The following PRR14 variants were observed in gnomAD, a reference collection of about 807,000 sequenced individuals.
The protein encoded by PRR14 is proline-rich protein 14.
In PRR14, 33 loss-of-function variants were observed where a neutral mutation model predicts 57.2. The ratio of observed to expected loss-of-function variants is 0.58; its 90% CI spans 0.44 to 0.77. The LOEUF is 0.77. Ranked by LOEUF, PRR14 falls within the 30% of genes least tolerant of loss-of-function variation. PRR14 has a pLI of 0.00. For synonymous variants in PRR14, 303 were observed against 314.7 expected (o/e 0.96, Z 0.39); for missense variants, 716 against 788.1 (o/e 0.91, Z 1.10).
chr16:30,653,245 A>T, intron 5 of PRR14, 120 bp from the exon 6 acceptor site: 1 of 1,394,800 alleles, frequency 7.2e-7, no homozygotes, highest in Non-Finnish European at 1.0e-6. Context: ...CTGAGCAAAG[A>T]CTATATAAAA....
chr16:30,653,136 T>C, intron 5 of PRR14, 33 bp downstream of exon 5: 2 of 1,556,652 alleles, frequency 1.3e-6, no homozygotes, highest in Non-Finnish European at 8.7e-7. Context: ...TGTCAAGGGT[T>C]CTGCTGGGTT....
chr16:30,651,776 C>T lies in PRR14; in HGVS notation c.24-20C>T, dbSNP rs757455778. The T allele has an allele frequency of 1.2e-6, 2 of 1,607,986 alleles. No individual in the cohort carries two copies. The highest frequency in any genetic ancestry group is 1.7e-6 in the Non-Finnish European group (2 of 1,179,854). On this transcript the variant is annotated intron_variant, in intron 2 of 11. Transcript: ENST00000300835. The surrounding 1 kb of genome is among the most constrained non-coding windows in gnomAD (Gnocchi z 5.0). The stretch of plus-strand genomic sequence containing the variant: ...AGCGACAGGTTCGGGCGACCGTCCT[C>T]TGCTTCTTTCACCCTCCAGCCCGCC...
At chr16:30,653,188 G>A (rs1463853193) in intron 5 of PRR14, 85 bp downstream of exon 5, 5 of 1,448,308 alleles carry the variant, frequency 3.5e-6, no homozygotes, top group South Asian at 1.3e-5. Flanking sequence ...TCTTAGGTGG[G>A]TTTTTCTTGG....
At chr16:30,653,458 A>G (rs2052334603) in intron 6 of PRR14, 50 bp downstream of exon 6, 1 of 1,572,196 alleles carries the variant, frequency 6.4e-7, no homozygotes, top group Non-Finnish European at 8.8e-7. Context: ...AACAGCCATC[A>G]TCCAGGTAGC....
intron 3 of PRR14, chr16:30,652,495 C>T (rs937614081): frequency 1.6e-6 from 1 of 621,388 alleles, no homozygotes. Flanking sequence ...TTTTTCATTT[C>T]TCTAAACAGC....
In PRR14 at chr16:30,652,937, G is replaced by A. The variant is rs762811025; in HGVS notation, c.338G>A (p.Cys113Tyr). The change falls in exon 5 of 12, where the codon TGT becomes TAT. Residue 113 changes from cysteine to tyrosine, a missense_variant. Physicochemically the swap from Cys to Tyr is radical, Grantham distance 194. Coordinates refer to ENST00000300835, the MANE Select transcript of PRR14 (RefSeq NM_024031.5). ...AGGCCTCCCGACCCTCTGTGTTTGT[G>A]TCGCGAGCCCTTGAGCCGCATCCAC... ...QARPPDPLCL[C>Y]REPLSRIHRT... 5 of 1,614,038 alleles carry A rather than the reference G, an allele frequency of 3.1e-6. No homozygotes were observed. Among genetic ancestry groups the A allele is most frequent in the Admixed American group, 3.3e-5 (2 of 60,014 alleles).
Position 30,652,820 on chromosome 16 carries a change from G to T in PRR14, c.292G>T (p.Ala98Ser). 1 of 1,614,194 alleles carries T rather than the reference G, an allele frequency of 6.2e-7. No individual in the cohort carries two copies. Among genetic ancestry groups the T allele is most frequent in the Non-Finnish European group, 8.5e-7 (1 of 1,180,022 alleles). Reference sequence around the variant, plus strand: ...GCCGCCTGCCTCGCCACCCCGGCAGGCCGGGTGGTCCTCGCAGGCCAGGTG... The same window carrying T: ...GCCGCCTGCCTCGCCACCCCGGCAGTCCGGGTGGTCCTCGCAGGCCAGGTG... The part of the protein sequence containing the change: ...RQPPASPPRQ[A>S]GWSSQARPPD... The change falls in exon 4 of 12, where the codon GCC becomes TCC. Residue 98 changes from alanine (A) to serine (S), a missense_variant. Physicochemically the swap from Ala to Ser is moderately conservative, Grantham distance 99 (BLOSUM62 1). Transcript: ENST00000300835.
In PRR14 at chr16:30,656,192, CCT is replaced by C; in HGVS notation, c.1641_1642del (p.Pro548GlnfsTer7). The C allele has an allele frequency of 1.2e-6, 2 of 1,611,426 alleles. No individual in the cohort carries two copies. Among genetic ancestry groups the C allele is most frequent in the Non-Finnish European group, 1.7e-6 (2 of 1,179,098 alleles). ...GVRAAGGRTV[P>X]PNVAPSPDVG... ...CCGGGCTGCAGGGGGCAGGACTGTTCCTCCCAATGTGGCCCCCAGCCCTGATG... is the reference window on the plus strand; with the variant it reads ...CCGGGCTGCAGGGGGCAGGACTGTTCCCCAATGTGGCCCCCAGCCCTGATG... On this transcript the variant is annotated frameshift_variant, in exon 12 of 12. Coordinates refer to ENST00000300835, the MANE Select transcript of PRR14 (RefSeq NM_024031.5). LOFTEE classifies it low-confidence loss of function (END_TRUNC).
chr16:30,651,594 A>G lies in PRR14; in HGVS notation c.-50-2A>G. The G allele has an allele frequency of 3.9e-6, 2 of 518,214 alleles. No individual in the cohort carries two copies. The highest frequency in any genetic ancestry group is 2.6e-5 in the African/African-American group (1 of 37,882). The allele number at this position is 518,214 out of a possible 1,614,324, so 32.1% of individuals were successfully genotyped here. ...CGCTCCCCCGCTCCCCCCTTACCCCAGGCCGCAGCCTGGGATTCCCCAGGG... is the reference window on the plus strand; with the variant it reads ...CGCTCCCCCGCTCCCCCCTTACCCCGGGCCGCAGCCTGGGATTCCCCAGGG... On this transcript the variant is annotated splice_acceptor_variant, in intron 1 of 11. Coordinates refer to ENST00000300835, the MANE Select transcript of PRR14 (RefSeq NM_024031.5). LOFTEE classifies it low-confidence loss of function (5UTR_SPLICE). The surrounding 1 kb of genome is among the most constrained non-coding windows in gnomAD (Gnocchi z 5.0).
chr16:30,653,153 G>A (rs752842570), intron 5 of PRR14, 50 bp downstream of exon 5: 1 of 1,530,638 alleles, frequency 6.5e-7, no homozygotes, highest in Non-Finnish European at 8.8e-7. Context: ...GGTTCCAGCA[G>A]GGATAGAAGG....
rs1452757246 is a variant in PRR14 at position 30,655,531 on chromosome 16, A to C, written c.1344A>C (p.Ile448=). ...KTMGKVSRFR[I]RRTPARPQLN... The stretch of plus-strand genomic sequence containing the variant: ...TGGGAAAGGTTTCTCGATTCAGAAT[A>C]CGCAGAACACCAGCCCGTCCTCAGC... Residue 448 remains isoleucine, a synonymous_variant, in exon 10 of 12, where the codon ATA becomes ATC. Coordinates refer to ENST00000300835, the MANE Select transcript of PRR14 (RefSeq NM_024031.5). The surrounding 1 kb of genome is among the most constrained non-coding windows in gnomAD (Gnocchi z 4.6). 2.5e-6 allele frequency: 4 copies of C among 1,614,240 alleles called. No individual in the cohort carries two copies. Among genetic ancestry groups the C allele is most frequent in the Non-Finnish European group, 3.4e-6 (4 of 1,180,046 alleles).
At chr16:30,652,023 T>G in intron 3 of PRR14, 59 bp downstream of exon 3, 4 of 1,487,786 alleles carry the variant, frequency 2.7e-6, no homozygotes, top group Non-Finnish European at 3.6e-6. Flanking sequence ...ACTACCAAAC[T>G]CGGGCCAGAT....
In PRR14 at chr16:30,652,992, A is replaced by G. The variant is rs1310738881; in HGVS notation, c.393A>G (p.Ser131=). 1 of 1,614,042 alleles carries G rather than the reference A, an allele frequency of 6.2e-7. No homozygotes were observed. The highest frequency in any genetic ancestry group is 1.1e-5 in the South Asian group (1 of 91,076). The change falls in exon 5 of 12, where the codon TCA becomes TCG. Residue 131 remains serine (S), a synonymous_variant. Coordinates refer to ENST00000300835, the MANE Select transcript of PRR14 (RefSeq NM_024031.5). Reference sequence around the variant, plus strand: ...CCTCTTCCACCCTGAGGCGGCGATCAAGGACAACCCCTGGCCCAGAGGAGG... The same window carrying G: ...CCTCTTCCACCCTGAGGCGGCGATCGAGGACAACCCCTGGCCCAGAGGAGG... ...HRTSSTLRRR[S]RTTPGPEEGP...
At chr16:30,653,692 GT>G in intron 6 of PRR14, among the ~76,000 whole-genome samples, 1 of 152,158 alleles carries the variant, frequency 6.6e-6, no homozygotes, top group East Asian at 1.9e-4. Flanking sequence ...TTGAGATGGA[GT>G]TTTTGCTCTG....
rs994215827 is a variant in PRR14 at position 30,651,386 on chromosome 16, G to A, written c.-50-210G>A. On this transcript the variant is annotated intron_variant, in intron 1 of 11. Transcript: ENST00000300835. The surrounding 1 kb of genome is among the most constrained non-coding windows in gnomAD (Gnocchi z 5.0). ...GGCCGCTGCATTCTGGGTTCTGGCG[G>A]CAGGTGCCAGGCAGGGCGCGAGTGA... The A allele has an allele frequency of 2.1e-6, 1 of 472,450 alleles. No individual in the cohort carries two copies. Among genetic ancestry groups the A allele is most frequent in the Non-Finnish European group, 3.8e-6 (1 of 265,280 alleles). 29.3% of individuals were successfully genotyped at this position (472,450 alleles called of 1,614,324 possible).
chr16:30,656,146 A>T lies in PRR14; in HGVS notation c.1593A>T (p.Ser531=). The change falls in exon 12 of 12, where the codon TCA becomes TCT. Residue 531 remains serine, a synonymous_variant. Coordinates refer to ENST00000300835, the MANE Select transcript of PRR14 (RefSeq NM_024031.5). ...TTCGGGACAGCAGCCTTCCTCGATC[A>T]CGAAGACCGTCCCGTGGGGTCCGGG... ...VEFRDSSLPR[S]RRPSRGVRAA... 6.3e-7 allele frequency: 1 copy of T among 1,583,308 alleles called. No individual in the cohort carries two copies. Among genetic ancestry groups the T allele is most frequent in the South Asian group, 1.1e-5 (1 of 87,406 alleles).
chr16:30,653,377 G>A lies in PRR14; in HGVS notation c.517G>A (p.Glu173Lys), dbSNP rs747848427. The change falls in exon 6 of 12, where the codon GAG (glutamate) becomes AAG (lysine). Residue 173 changes from glutamate to lysine, a missense_variant. By Grantham distance (56) the Glu-to-Lys change is moderately conservative (BLOSUM62 1). Coordinates refer to ENST00000300835, the MANE Select transcript of PRR14 (RefSeq NM_024031.5). ...PRPPAEGFID[E>K]TPNFIIPAQR... ...TATTTTTATCCAGGGCTTCATTGAT[G>A]AGACCCCCAACTTCATCATCCCAGC... 45 of 1,613,896 alleles carry A rather than the reference G, an allele frequency of 2.8e-5. No individual in the cohort carries two copies. The highest frequency in any genetic ancestry group is 3.7e-5 in the Non-Finnish European group (44 of 1,179,986).
At chr16:30,653,162 G>A in intron 5 of PRR14, 59 bp downstream of exon 5, 8 of 1,515,178 alleles carry the variant, frequency 5.3e-6, no homozygotes, top group South Asian at 2.5e-5. Flanking sequence ...AGGGATAGAA[G>A]GGTAGGAGGC....
Position 30,655,567 on chromosome 16 carries a change from A to G in PRR14, c.1380A>G (p.Thr460=). ...CAGCCCGTCCTCAGCTAAACCTTACACCAATGGGACTGCCTCGACCAATCA... is the reference window on the plus strand; with the variant it reads ...CAGCCCGTCCTCAGCTAAACCTTACGCCAATGGGACTGCCTCGACCAATCA... The part of the protein sequence containing the change: ...RTPARPQLNL[T]PMGLPRPIRL... Residue 460 remains threonine, a synonymous_variant, in exon 10 of 12, where the codon ACA becomes ACG. Coordinates refer to ENST00000300835, the MANE Select transcript of PRR14 (RefSeq NM_024031.5). This position sits in a 1 kb window ranked among gnomAD's most constrained non-coding sequence, Gnocchi z 4.6. 1 of 1,614,090 alleles carries G rather than the reference A, an allele frequency of 6.2e-7. No individual in the cohort carries two copies. The highest frequency in any genetic ancestry group is 8.5e-7 in the Non-Finnish European group (1 of 1,180,006).
Sources: allele counts gnomAD v4.1 joint callset (sites outside exome capture counted in the v4.1 genomes callset), GRCh38; gene constraint gnomAD v4.1.1; non-coding constraint Gnocchi (gnomAD v3.1); transcripts MANE v1.5; gene names NCBI Gene and HGNC (gene_info 2026-07-23, HGNC 2026-07-21).